The following COL22A1 variants were observed in gnomAD, a reference collection of about 807,000 sequenced individuals.
The protein encoded by COL22A1 is collagen alpha-1(XXII) chain.
A neutral mutation model predicts 248.9 loss-of-function variants in COL22A1; 221 were observed. That is an observed-to-expected ratio of 0.89 (90% CI 0.80 to 0.99). COL22A1 has a LOEUF of 0.99. COL22A1 is among the 50% of genes least tolerant of loss of function. COL22A1 has a pLI of 0.00. For missense variants in COL22A1, 2,240 were observed against 2,179.0 expected (o/e 1.03, Z -0.56); for synonymous variants, 891 against 793.4 (o/e 1.12, Z -2.07).
intron 45 of COL22A1, among the ~76,000 whole-genome samples, chr8:138,653,527 T>G (rs1157362995): frequency 6.6e-6 from 1 of 152,184 alleles, no homozygotes; most frequent in Non-Finnish European, 1.5e-5. Flanking sequence ...CAGAAACCAC[T>G]CACAGGATTG....
intron 7 of COL22A1, among the ~76,000 whole-genome samples, chr8:138,820,626 AT>A (rs999728613): frequency 6.6e-6 from 1 of 151,944 alleles, no homozygotes; most frequent in Non-Finnish European, 1.5e-5. Context: ...ATATTTTCCA[AT>A]TTTTTTTACA....
chr8:138,771,815 A>T (rs1834389776), intron 16 of COL22A1, among the ~76,000 whole-genome samples: 1 of 152,200 alleles, frequency 6.6e-6, no homozygotes, highest in Non-Finnish European at 1.5e-5. Flanking sequence ...TAGCTGTGGC[A>T]GCTGTCCCAG....
At chr8:138,783,786 A>C (rs943773345) in intron 12 of COL22A1, among the ~76,000 whole-genome samples, 2 of 152,238 alleles carry the variant, frequency 1.3e-5, no homozygotes, top group Admixed American at 6.5e-5. Flanking sequence ...TCAAACAACT[A>C]TGTGGAAAAA....
At chr8:138,734,846 A>T (rs1321992161) in intron 23 of COL22A1, among the ~76,000 whole-genome samples, 1 of 152,246 alleles carries the variant, frequency 6.6e-6, no homozygotes, top group Admixed American at 6.5e-5. Flanking sequence ...ATAAAAAAGG[A>T]TGAGTTCATG....
intron 30 of COL22A1, among the ~76,000 whole-genome samples, chr8:138,713,319 A>G (rs908833386): frequency 5.9e-5 from 9 of 152,138 alleles, no homozygotes; most frequent in South Asian, 2.1e-4. Context: ...TGGGTAAGAC[A>G]GTACATCTCT....
intron 48 of COL22A1, among the ~76,000 whole-genome samples, chr8:138,636,340 T>C (rs1821156238): frequency 6.6e-6 from 1 of 151,378 alleles, no homozygotes; most frequent in Non-Finnish European, 1.5e-5. Context: ...CTGTGAAGCA[T>C]TTCAGCTAGC....
intron 3 of COL22A1, among the ~76,000 whole-genome samples, chr8:138,856,591 T>TGAGAGA (rs148698442): frequency 9.4e-6 from 1 of 105,908 alleles, no homozygotes. Flanking sequence ...ACAGAGGCAG[T>TGAGAGA]GAGAGAGAGA....
At chr8:138,646,285 A>C (rs1287327076) in intron 47 of COL22A1, among the ~76,000 whole-genome samples, 1 of 152,194 alleles carries the variant, frequency 6.6e-6, no homozygotes, top group East Asian at 1.9e-4. Flanking sequence ...CCATTTTAAC[A>C]AATATCTGAC....
At chr8:138,627,015 C>T (rs990999576) in intron 50 of COL22A1, among the ~76,000 whole-genome samples, 1 of 152,124 alleles carries the variant, frequency 6.6e-6, no homozygotes, top group Non-Finnish European at 1.5e-5. Context: ...AGATAAGACA[C>T]AGGTGCCAGG....
At chr8:138,738,105 A>G (rs186013731) in intron 22 of COL22A1, among the ~76,000 whole-genome samples, 6 of 152,202 alleles carry the variant, frequency 3.9e-5, no homozygotes, top group Admixed American at 1.3e-4. Flanking sequence ...CCCATATCAC[A>G]TGGAGAGTTG....
At chr8:138,865,217 C>T (rs1486415075) in intron 3 of COL22A1, among the ~76,000 whole-genome samples, 1 of 152,036 alleles carries the variant, frequency 6.6e-6, no homozygotes, top group Non-Finnish European at 1.5e-5. Flanking sequence ...TAGATTGTTC[C>T]AGGGTAAGGG....
Position 138,725,453 on chromosome 8 carries a change from A to T in COL22A1, c.2140-13T>A, listed in dbSNP as rs1275778507. 3.1e-6 allele frequency: 5 copies of T among 1,612,034 alleles called. No individual in the cohort carries two copies. The highest frequency in any genetic ancestry group is 4.2e-6 in the Non-Finnish European group (5 of 1,179,338). ...GTCCTGGAGGGCCCTGTAGAGAAAG[A>T]GCATTTGGTGGGCTACAGATGGGTC... On this transcript the variant is annotated splice_polypyrimidine_tract_variant and intron_variant, in intron 23 of 64. Coordinates refer to ENST00000303045, the MANE Select transcript of COL22A1 (RefSeq NM_152888.3).
intron 1 of COL22A1, among the ~76,000 whole-genome samples, chr8:138,886,728 G>A (rs1313151710): frequency 1.3e-5 from 2 of 152,064 alleles, no homozygotes; most frequent in Non-Finnish European, 2.9e-5. Context: ...TTGTCTTATT[G>A]GATCCTCACG....
intron 32 of COL22A1, among the ~76,000 whole-genome samples, chr8:138,696,953 A>C (rs10107678): frequency 0.032 from 4,929 of 152,270 alleles, 112 homozygotes; most frequent in East Asian, 0.097. Context: ...CACAATTCAT[A>C]AAGACAAAAG....
chr8:138,867,304 T>A (rs1348833815), intron 3 of COL22A1, among the ~76,000 whole-genome samples: 1 of 152,196 alleles, frequency 6.6e-6, no homozygotes, highest in Non-Finnish European at 1.5e-5. Context: ...CAGTTCCCCA[T>A]GCAGAACTCA....
intron 3 of COL22A1, among the ~76,000 whole-genome samples, chr8:138,870,426 G>A (rs111066399): frequency 0.16 from 24,255 of 151,390 alleles, 2,040 homozygotes; most frequent in Non-Finnish European, 0.18. Flanking sequence ...GGGTGTGTGT[G>A]CTATATGTAG....
At chr8:138,660,249 TGGTGG>T (rs982061064) in intron 44 of COL22A1, among the ~76,000 whole-genome samples, 182 bp downstream of exon 44, 5 of 152,256 alleles carry the variant, frequency 3.3e-5, no homozygotes, top group African/African-American at 1.2e-4. Context: ...ACCGGCATAA[TGGTGG>T]TAACGACTTC....
At chr8:138,775,855 C>T in intron 16 of COL22A1, 111 bp downstream of exon 16, 1 of 1,063,710 alleles carries the variant, frequency 9.4e-7, no homozygotes. Flanking sequence ...CACACATGCA[C>T]ACACAAATGT....
chr8:138,790,444 G>T (rs1455429825), intron 12 of COL22A1, among the ~76,000 whole-genome samples: 1 of 152,162 alleles, frequency 6.6e-6, no homozygotes, highest in Non-Finnish European at 1.5e-5. Context: ...ATGCAGAAGT[G>T]TCTTGTGGTT....
Sources: gnomAD v4.1 joint callset for allele counts (sites outside exome capture counted in the v4.1 genomes callset) on GRCh38, gnomAD v4.1.1 for gene constraint, MANE v1.5 for transcripts, NCBI Gene and HGNC (gene_info 2026-07-23, HGNC 2026-07-21) for gene names.